Variants in ARHGAP15 observed in about 807,000 individuals in gnomAD.
ARHGAP15 encodes rho GTPase-activating protein 15.
In ARHGAP15, 51 loss-of-function variants were observed where a neutral mutation model predicts 63.7. The observed-to-expected ratio is 0.80, with a 90% confidence interval of 0.64 to 1.01. ARHGAP15 has a LOEUF of 1.01. ARHGAP15 is among the 50% of genes least tolerant of loss of function. The pLI is 0.00. For missense variants in ARHGAP15, 560 were observed against 564.6 expected, an observed-to-expected ratio of 0.99 and a Z score of 0.08; for synonymous variants, 191 against 193.8, an observed-to-expected ratio of 0.99 and a Z score of 0.12.
rs143130188 is a variant in ARHGAP15, at chr2:143,532,922, C to T, written c.925+13558C>T. On this transcript the variant is annotated intron_variant, in intron 10 of 13. Transcript: ENST00000295095. ...ATTTCTAATTAATTCCCCAAACTTC[C>T]GTTACCAAAAAACTCAAACAAAAAC... 1.5e-3 allele frequency among the ~76,000 whole-genome samples: 223 copies of T among 152,216 alleles called. 3 individuals carry two copies. Among genetic ancestry groups the T allele is most frequent in the African/African-American group, 5.0e-3 (206 of 41,538 alleles).
intron 8 of ARHGAP15, among the ~76,000 whole-genome samples, chr2:143,438,346 G>A (rs12691679): frequency 0.89 from 135,415 of 151,968 alleles, 60,661 homozygotes; most frequent in Middle Eastern, 0.97. Context: ...AGAAATATAT[G>A]TATATACACA....
intron 2 of ARHGAP15, among the ~76,000 whole-genome samples, chr2:143,184,932 G>T (rs186556668): frequency 2.9e-4 from 44 of 149,692 alleles, no homozygotes; most frequent in African/African-American, 9.9e-4. Context: ...ATCTTCCCTC[G>T]TTGGTTTCCC....
chr2:143,183,460 A>G (rs185412827), intron 2 of ARHGAP15, among the ~76,000 whole-genome samples: 10 of 152,206 alleles, frequency 6.6e-5, no homozygotes, highest in Non-Finnish European at 1.3e-4. Flanking sequence ...CAGGAAAGTG[A>G]AAACAGCATC....
At chr2:143,425,397 A>G (rs567829383) in intron 6 of ARHGAP15, among the ~76,000 whole-genome samples, 5 of 152,054 alleles carry the variant, frequency 3.3e-5, no homozygotes, top group Non-Finnish European at 5.9e-5. Context: ...TACATATTAT[A>G]TATAACTTTA....
intron 10 of ARHGAP15, among the ~76,000 whole-genome samples, chr2:143,555,472 T>TA: frequency 6.6e-6 from 1 of 152,282 alleles, no homozygotes; most frequent in Non-Finnish European, 1.5e-5. Flanking sequence ...ACATTAAAAT[T>TA]ATGTTTTCAG....
intron 6 of ARHGAP15, among the ~76,000 whole-genome samples, chr2:143,270,774 A>G (rs1029776551): frequency 3.9e-5 from 6 of 152,226 alleles, no homozygotes; most frequent in African/African-American, 1.2e-4. Context: ...TTGCTATAGC[A>G]TTCTCAGACT....
At chr2:143,661,169 T>C (rs1342015368) in intron 12 of ARHGAP15, among the ~76,000 whole-genome samples, 2 of 152,184 alleles carry the variant, frequency 1.3e-5, no homozygotes, top group African/African-American at 4.8e-5. Flanking sequence ...TAAAGACCAA[T>C]GTGATCAGAT....
At chr2:143,646,052 A>C (rs1002844354) in intron 12 of ARHGAP15, among the ~76,000 whole-genome samples, 3 of 152,178 alleles carry the variant, frequency 2.0e-5, no homozygotes, top group Non-Finnish European at 2.9e-5. Flanking sequence ...AGCACGCACT[A>C]ATGTTGAAAG....
Position 143,662,099 on chromosome 2 carries a change from G to C in ARHGAP15, c.1138+37832G>C, listed in dbSNP as rs547818819. On this transcript the variant is annotated intron_variant, in intron 12 of 13. Coordinates refer to ENST00000295095, the MANE Select transcript of ARHGAP15 (RefSeq NM_018460.4). Reference sequence around the variant, plus strand: ...CAAGAAGGCCTGCCTGCCTCTGTAGGCTCCACCTCTGGGGGCAGGGCACAG... The same window carrying C: ...CAAGAAGGCCTGCCTGCCTCTGTAGCCTCCACCTCTGGGGGCAGGGCACAG... Among the ~76,000 whole-genome samples the C allele has an allele frequency of 4.6e-5, 7 of 152,360 alleles. No individual in the cohort carries two copies. In the East Asian group the frequency reaches 1.4e-3, roughly 29 times the overall value.
intron 6 of ARHGAP15, among the ~76,000 whole-genome samples, chr2:143,350,018 T>C (rs994408643): frequency 6.6e-6 from 1 of 152,190 alleles, no homozygotes; most frequent in African/African-American, 2.4e-5. Flanking sequence ...AATAAGCACT[T>C]ATTATAAAAT....
At chr2:143,250,417 T>C (rs6430017) in intron 5 of ARHGAP15, 94 bp from the exon 6 acceptor site, 139,519 of 901,766 alleles carry the variant, frequency 0.15, 11,765 homozygotes, top group African/African-American at 0.23. Flanking sequence ...ATATCATAAA[T>C]ATGTATAGCT....
intron 8 of ARHGAP15, among the ~76,000 whole-genome samples, chr2:143,468,932 C>T (rs953457970): frequency 6.6e-6 from 1 of 152,126 alleles, no homozygotes; most frequent in Non-Finnish European, 1.5e-5. Flanking sequence ...TCTGCCCAGA[C>T]CAAAATCATG....
chr2:143,616,193 T>C (rs1175849436), intron 11 of ARHGAP15, among the ~76,000 whole-genome samples: 1 of 152,160 alleles, frequency 6.6e-6, no homozygotes, highest in African/African-American at 2.4e-5. Flanking sequence ...GTTATGATGA[T>C]GGGAAGATGT....
At chr2:143,136,758 T>C (rs1026989178) in intron 1 of ARHGAP15, among the ~76,000 whole-genome samples, 1 of 152,138 alleles carries the variant, frequency 6.6e-6, no homozygotes, top group Non-Finnish European at 1.5e-5. Context: ...TTTCAAATTG[T>C]TGCTATTATG....
intron 6 of ARHGAP15, among the ~76,000 whole-genome samples, chr2:143,433,203 C>G (rs116740628): frequency 9.9e-4 from 151 of 152,144 alleles, no homozygotes; most frequent in African/African-American, 3.5e-3. Context: ...GGTTGAGGAA[C>G]CTGAATTAAA....
chr2:143,713,378 G>T (rs193231400), intron 13 of ARHGAP15, among the ~76,000 whole-genome samples: 9 of 152,202 alleles, frequency 5.9e-5, no homozygotes, highest in African/African-American at 1.4e-4. Flanking sequence ...ATTACCTCCC[G>T]CTGGGTCCCT....
chr2:143,601,370 T>C (rs894480473), intron 11 of ARHGAP15: 2 of 152,148 alleles, frequency 1.3e-5, no homozygotes, highest in Non-Finnish European at 2.9e-5. Flanking sequence ...GGTAATAGAA[T>C]AAATTTTGAA....
At chr2:143,308,475 GAA>G (rs1437298476) in intron 6 of ARHGAP15, among the ~76,000 whole-genome samples, 3 of 64,004 alleles carry the variant, frequency 4.7e-5, no homozygotes, top group Admixed American at 3.8e-4. Context: ...GAGTTGATAA[GAA>G]ACACACACAC....
chr2:143,323,894 C>CAAAAAAAAAAAAA (rs55804357), intron 6 of ARHGAP15, among the ~76,000 whole-genome samples: 4 of 26,172 alleles, frequency 1.5e-4, no homozygotes, highest in African/African-American at 7.6e-4. Context: ...GACTCCGTCT[C>CAAAAAAAAAAAAA]AAAAAAAAAA....
Sources: gnomAD v4.1 joint callset for allele counts (sites outside exome capture counted in the v4.1 genomes callset) on GRCh38, gnomAD v4.1.1 for gene constraint, MANE v1.5 for transcripts, NCBI Gene and HGNC (gene_info 2026-07-23, HGNC 2026-07-21) for gene names.